PHC3: variants seen among roughly 807,000 people sequenced by gnomAD.
PHC3 encodes the protein polyhomeotic homolog 3.
A neutral mutation model predicts 107.4 loss-of-function variants in PHC3; 13 were observed. The ratio of observed to expected loss-of-function variants is 0.12; its 90% confidence interval spans 0.08 to 0.19. The LOEUF is 0.19. PHC3 is among the 10% of genes least tolerant of loss of function. The pLI, the probability that PHC3 is intolerant of heterozygous loss-of-function variation, is 1.00. For missense variants in PHC3, 992 were observed against 1,210.9 expected (o/e 0.82, Z 2.68); for synonymous variants, 456 against 427.4 (o/e 1.07, Z -0.83).
At chr3:170,177,461 G>A (rs1254147897) in intron 2 of PHC3, among the ~76,000 whole-genome samples, 2 of 152,042 alleles carry the variant, frequency 1.3e-5, no homozygotes, top group Non-Finnish European at 2.9e-5. Context: ...CTGCCGCCAG[G>A]GTTCAAGTGA....
At chr3:170,132,586 C>T (rs1445385674) in intron 7 of PHC3, among the ~76,000 whole-genome samples, 1 of 152,216 alleles carries the variant, frequency 6.6e-6, no homozygotes, top group Non-Finnish European at 1.5e-5. Context: ...ACCCACCACA[C>T]ACTCAAGGCC....
chr3:170,136,383 A>AT, intron 7 of PHC3, 36 bp downstream of exon 7: 1 of 1,611,380 alleles, frequency 6.2e-7, no homozygotes, highest in Non-Finnish European at 8.5e-7. Context: ...AAGAAAATGA[A>AT]TAATACAACT....
chr3:170,128,516 A>G, intron 8 of PHC3, 168 bp downstream of exon 8: 3 of 922,890 alleles, frequency 3.3e-6, no homozygotes, highest in Non-Finnish European at 4.5e-6. Context: ...AAACAATGGC[A>G]TTTTTTTTTT....
At chr3:170,162,647 C>A (rs1728075216) in intron 4 of PHC3, among the ~76,000 whole-genome samples, 1 of 152,214 alleles carries the variant, frequency 6.6e-6, no homozygotes, top group African/African-American at 2.4e-5. Context: ...ACATTTAACT[C>A]CATGCTTCTG....
rs370014001 is a variant in PHC3, at chr3:170,180,268, A to C, written c.15-1330T>G. On this transcript the variant is annotated intron_variant, in intron 1 of 14. Transcript: ENST00000495893. Reference sequence around the variant, plus strand: ...CAAAGCCAGCCTGGGCAACATAGGGAAACCCTGTCTCTACAAATGAAAAAT... The same window carrying C: ...CAAAGCCAGCCTGGGCAACATAGGGCAACCCTGTCTCTACAAATGAAAAAT... Among the ~76,000 whole-genome samples, 144 of 152,152 alleles carry C rather than the reference A, an allele frequency of 9.5e-4. 1 individual carries two copies. Among genetic ancestry groups the C allele is most frequent in the African/African-American group, 3.2e-3 (134 of 41,514 alleles).
chr3:170,153,233 A>G (rs1487110601), intron 4 of PHC3, among the ~76,000 whole-genome samples: 2 of 152,140 alleles, frequency 1.3e-5, no homozygotes, highest in Non-Finnish European at 2.9e-5. Flanking sequence ...AGTCATCCTG[A>G]TGCTTCCCTC....
At chr3:170,180,396 C>T (rs1310330505) in intron 1 of PHC3, among the ~76,000 whole-genome samples, 1 of 152,040 alleles carries the variant, frequency 6.6e-6, no homozygotes, top group Non-Finnish European at 1.5e-5. Flanking sequence ...CTGCAGTGAG[C>T]TATGATCGTG....
Position 170,089,384 on chromosome 3 carries a change from C to T in PHC3, c.*7846G>A, listed in dbSNP as rs575133569. ...CAATGTTTACCCCCTAGATACTTAA[C>T]AATTCAAGCATGGAACTGTTTCATG... On this transcript the variant is annotated 3_prime_UTR_variant, in exon 15 of 15. Transcript: ENST00000495893. 20 of 152,244 alleles carry T rather than the reference C, an allele frequency of 1.3e-4. No individual in the cohort carries two copies. The South Asian group carries it at 3.9e-3, about 30-fold the overall frequency. 9.4% of individuals were successfully genotyped at this position (152,244 alleles called of 1,614,324 possible).
Position 170,129,118 on chromosome 3 carries a change from T to C in PHC3, c.1354A>G (p.Thr452Ala). ...GCTGTAGCTTGCACCTGATTAGCAG[T>C]GGACTGCTGCAAATTTGGCCCTGGC... ...LQPGPNLQQS[T>A]ANQVQATAQL... The change falls in exon 8 of 15, where the codon ACT becomes GCT. Residue 452 changes from threonine to alanine, a missense_variant. By Grantham distance (58) the Thr-to-Ala change is moderately conservative (BLOSUM62 0). This residue lies in a region of PHC3 where 543 missense variants were observed against 590.8 expected (regional missense o/e 0.92). Coordinates refer to ENST00000495893, the MANE Select transcript of PHC3 (RefSeq NM_024947.4). The C allele has an allele frequency of 1.9e-6, 3 of 1,613,400 alleles. No homozygotes were observed. The highest frequency in any genetic ancestry group is 2.5e-6 in the Non-Finnish European group (3 of 1,179,626).
At chr3:170,112,839 T>C (rs1318173028) in intron 11 of PHC3, among the ~76,000 whole-genome samples, 1 of 152,178 alleles carries the variant, frequency 6.6e-6, no homozygotes, top group African/African-American at 2.4e-5. Context: ...TCATTCTTTA[T>C]TAGAATAAAG....
chr3:170,153,290 CAT>C (rs1433011326), intron 4 of PHC3, among the ~76,000 whole-genome samples: 1 of 152,126 alleles, frequency 6.6e-6, no homozygotes, highest in Non-Finnish European at 1.5e-5. Context: ...GTTTCTAATA[CAT>C]CTTTTTGTCT....
At chr3:170,161,258 TCTGG>T (rs1487735926) in intron 4 of PHC3, among the ~76,000 whole-genome samples, 1 of 152,186 alleles carries the variant, frequency 6.6e-6, no homozygotes, top group African/African-American at 2.4e-5. Flanking sequence ...ACAGAACTGC[TCTGG>T]CTGGCTAAGG....
At chr3:170,160,844 T>G (rs577105860) in intron 4 of PHC3, among the ~76,000 whole-genome samples, 1 of 152,182 alleles carries the variant, frequency 6.6e-6, no homozygotes, top group East Asian at 1.9e-4. Context: ...GAAGCAGAGG[T>G]TCTAGTGAGC....
intron 4 of PHC3, among the ~76,000 whole-genome samples, chr3:170,166,074 T>C (rs776740970): frequency 3.9e-5 from 6 of 152,134 alleles, no homozygotes; most frequent in Non-Finnish European, 5.9e-5. Flanking sequence ...AGATGGAGTC[T>C]TGCTCTACCG....
intron 4 of PHC3, among the ~76,000 whole-genome samples, chr3:170,152,908 C>T (rs903350358): frequency 6.6e-6 from 1 of 152,092 alleles, no homozygotes; most frequent in Non-Finnish European, 1.5e-5. Context: ...GCGATACCCC[C>T]ACCTCAGCCT....
chr3:170,178,519 C>A (rs944554426), intron 2 of PHC3, among the ~76,000 whole-genome samples: 2 of 152,156 alleles, frequency 1.3e-5, no homozygotes, highest in Admixed American at 1.3e-4. Context: ...AATAAGACGG[C>A]CCTCGTGAGA....
chr3:170,118,292 C>T (rs1719450994), intron 9 of PHC3, among the ~76,000 whole-genome samples: 1 of 152,162 alleles, frequency 6.6e-6, no homozygotes, highest in Non-Finnish European at 1.5e-5. Flanking sequence ...GTCGCCCAAG[C>T]TGGAGCCCAA....
chr3:170,097,271 G>A lies in PHC3; in HGVS notation c.2947C>T (p.Leu983=). ...SAMNIKLGPA[L]KICARINSLK... ...GAGTTGATGCGTGCACAGATCTTCA[G>A]GGCTGGGCCTAGCTTGATATTCATT... The change falls in exon 15 of 15, where the codon CTG becomes TTG. Residue 983 remains leucine (L), a synonymous_variant. Transcript: ENST00000495893. The surrounding 1 kb of genome is among the most constrained non-coding windows in gnomAD (Gnocchi z 4.1). 6.2e-7 allele frequency: 1 copy of A among 1,613,386 alleles called. No homozygotes were observed. Among genetic ancestry groups the A allele is most frequent in the Non-Finnish European group, 8.5e-7 (1 of 1,179,492 alleles).
intron 2 of PHC3, among the ~76,000 whole-genome samples, chr3:170,173,206 A>AG (rs1161308662): frequency 6.6e-6 from 1 of 151,902 alleles, no homozygotes; most frequent in African/African-American, 2.4e-5. Context: ...AAAAAAAAAA[A>AG]CAAAACAAAA....
Sources: allele counts gnomAD v4.1 joint callset (sites outside exome capture counted in the v4.1 genomes callset), GRCh38; gene constraint gnomAD v4.1.1; regional missense constraint gnomAD v4.1.1; non-coding constraint Gnocchi (gnomAD v3.1); transcripts MANE v1.5; gene names NCBI Gene and HGNC (gene_info 2026-07-23, HGNC 2026-07-21).